The following CEP170 variants were observed in gnomAD, a reference collection of about 807,000 sequenced individuals.
CEP170 encodes the protein centrosomal protein 170.
A neutral mutation model predicts 151.9 loss-of-function variants in CEP170; 21 were observed. That is an observed-to-expected ratio of 0.14 (90% CI 0.10 to 0.20). The LOEUF (loss-of-function observed/expected upper bound fraction) is 0.20, where lower values mean the gene tolerates loss of function less well. CEP170 is among the 10% of genes least tolerant of loss of function. The pLI, the probability that CEP170 is intolerant of heterozygous loss-of-function variation, is 1.00. For synonymous variants in CEP170, 356 were observed against 648.8 expected, an observed-to-expected ratio of 0.55 and a Z score of 6.86; for missense variants, 964 against 1,892.9, an observed-to-expected ratio of 0.51 and a Z score of 9.11.
chr1:243,234,541 C>G (rs1239493310), intron 1 of CEP170, among the ~76,000 whole-genome samples: 1 of 152,200 alleles, frequency 6.6e-6, no homozygotes, highest in East Asian at 1.9e-4. Context: ...AATAAACACA[C>G]TAAGGCATTG....
intron 14 of CEP170, among the ~76,000 whole-genome samples, chr1:243,145,462 A>G (rs985123585): frequency 3.9e-5 from 6 of 152,208 alleles, no homozygotes; most frequent in Non-Finnish European, 7.3e-5. Context: ...TTTAGTAGCA[A>G]TGAGGTTTCA....
intron 1 of CEP170, among the ~76,000 whole-genome samples, chr1:243,230,468 A>C (rs1449834004): frequency 2.6e-5 from 4 of 152,234 alleles, no homozygotes; most frequent in African/African-American, 9.6e-5. Context: ...ACTGTCTTAA[A>C]TATGTTGAAT....
rs552960646 is a variant in CEP170 at position 243,125,355 on chromosome 1, G to A, written c.*1094C>T. On this transcript the variant is annotated 3_prime_UTR_variant, in exon 20 of 20. Transcript: ENST00000366542. ...TTGCAGGGTCCTTATAAATGTGTAA[G>A]ACAGACAGCATTTACTATTGAGTCC... 1 of 152,762 alleles carries A rather than the reference G, an allele frequency of 6.5e-6. No homozygotes were observed. The highest frequency in any genetic ancestry group is 2.1e-4 in the South Asian group (1 of 4,826). 9.5% of individuals were successfully genotyped at this position (152,762 alleles called of 1,614,324 possible).
At chr1:243,168,043 T>A (rs1216189401) in intron 12 of CEP170, among the ~76,000 whole-genome samples, 1 of 151,996 alleles carries the variant, frequency 6.6e-6, no homozygotes, top group African/African-American at 2.4e-5. Flanking sequence ...ACTTTGCTTT[T>A]CACAGATAAT....
chr1:243,186,408 C>T lies in CEP170; in HGVS notation c.1123G>A (p.Asp375Asn). Residue 375 changes from aspartate (D) to asparagine (N), a missense_variant, in exon 9 of 20, where the codon GAT (aspartate) becomes AAT (asparagine). Coordinates refer to ENST00000366542, the MANE Select transcript of CEP170 (RefSeq NM_014812.3). ...LKRLKGNKHD[D>N]GTQSDSENAG... ...TTCTCTGAATCACTTTGCGTACCAT[C>T]ATCATGTTTATTTCCTGGATACAAA... The T allele has an allele frequency of 6.2e-7, 1 of 1,600,502 alleles. No individual in the cohort carries two copies. Among genetic ancestry groups the T allele is most frequent in the Non-Finnish European group, 8.5e-7 (1 of 1,175,642 alleles).
At chr1:243,156,090 G>A (rs1316763074) in intron 14 of CEP170, 131 bp downstream of exon 14, 33 of 1,249,108 alleles carry the variant, frequency 2.6e-5, no homozygotes, top group South Asian at 6.5e-5. Context: ...CTGACTAAAC[G>A]GAGTTCACAG....
chr1:243,185,939 T>C lies in CEP170; in HGVS notation c.1406A>G (p.His469Arg), dbSNP rs1409538085. Residue 469 changes from histidine to arginine, a missense_variant, in exon 10 of 20, where the codon CAC becomes CGC. Coordinates refer to ENST00000366542, the MANE Select transcript of CEP170 (RefSeq NM_014812.3). This position sits in a 1 kb window ranked among gnomAD's most constrained non-coding sequence, Gnocchi z 4.9. ...TTTATCCATCTCCTGGCTTGGTCTG[T>C]GCCCAAGACTCCCTGAACTTCTTAA... ...ALLRSSGSLGHRPSQEMDKML... is the reference protein window; with the variant it reads ...ALLRSSGSLGRRPSQEMDKML... 5 of 1,613,674 alleles carry C rather than the reference T, an allele frequency of 3.1e-6. No homozygotes were observed. The highest frequency in any genetic ancestry group is 4.2e-6 in the Non-Finnish European group (5 of 1,179,730).
At chr1:243,209,800 G>A (rs191974828) in intron 4 of CEP170, among the ~76,000 whole-genome samples, 1 of 151,652 alleles carries the variant, frequency 6.6e-6, no homozygotes, top group African/African-American at 2.4e-5. Context: ...CTACTGAGGT[G>A]GGAGGTAGGA....
chr1:243,250,201 A>G (rs2149198104), intron 1 of CEP170, among the ~76,000 whole-genome samples: 1 of 152,308 alleles, frequency 6.6e-6, no homozygotes, highest in South Asian at 2.1e-4. Flanking sequence ...CATTCATTCT[A>G]TTTATAAATG....
At chr1:243,137,779 T>TAAAA (rs773221196) in intron 16 of CEP170, among the ~76,000 whole-genome samples, 1 of 96,982 alleles carries the variant, frequency 1.0e-5, no homozygotes, top group Non-Finnish European at 2.3e-5. Context: ...CTCTCAAAAT[T>TAAAA]AAAAAAAAAA....
intron 17 of CEP170, among the ~76,000 whole-genome samples, chr1:243,131,367 C>T (rs1290843394): frequency 6.6e-6 from 1 of 152,010 alleles, no homozygotes; most frequent in Admixed American, 6.6e-5. Context: ...GTGCAGATGC[C>T]TGTAGTCCTA....
At chr1:243,193,545 T>C (rs1267034482) in intron 7 of CEP170, among the ~76,000 whole-genome samples, 1 of 152,090 alleles carries the variant, frequency 6.6e-6, no homozygotes, top group Non-Finnish European at 1.5e-5. Flanking sequence ...GCCAGGGATA[T>C]AGCACTTATC....
chr1:243,154,014 T>G (rs1347149900), intron 14 of CEP170, among the ~76,000 whole-genome samples: 10 of 152,384 alleles, frequency 6.6e-5, no homozygotes, highest in Non-Finnish European at 1.3e-4. Flanking sequence ...CAGGGATACC[T>G]GAAAGAAACC....
Position 243,124,696 on chromosome 1 carries a change from AGGGAG to A in CEP170, c.*1748_*1752del. 1 of 152,678 alleles carries A rather than the reference AGGGAG, an allele frequency of 6.5e-6. No individual in the cohort carries two copies. The highest frequency in any genetic ancestry group is 2.1e-4 in the South Asian group (1 of 4,816). The allele number at this position is 152,678 out of a possible 1,614,324, so 9.5% of individuals were successfully genotyped here. A position where few individuals can be genotyped will look rare whatever the true frequency, so the allele number is the denominator to read the frequency against. On this transcript the variant is annotated 3_prime_UTR_variant, in exon 20 of 20. Coordinates refer to ENST00000366542, the MANE Select transcript of CEP170 (RefSeq NM_014812.3). ...TCAGTACCCAAATATTAAATAAAAG[AGGGAG>A]CAATGCTGATTATTTTGTCCAACTT... is the stretch of plus-strand genomic sequence containing the variant.
intron 14 of CEP170, among the ~76,000 whole-genome samples, chr1:243,147,369 A>T (rs1387829902): frequency 6.6e-6 from 1 of 152,226 alleles, no homozygotes; most frequent in Non-Finnish European, 1.5e-5. Context: ...TTTATTAGAC[A>T]GCACATAATT....
chr1:243,193,395 C>T (rs2060438732), intron 7 of CEP170, among the ~76,000 whole-genome samples: 1 of 151,718 alleles, frequency 6.6e-6, no homozygotes, highest in Non-Finnish European at 1.5e-5. Context: ...TTTTGCTTTG[C>T]TCATCCTTCA....
chr1:243,211,588 T>G (rs1050575639), intron 4 of CEP170: 9 of 255,760 alleles, frequency 3.5e-5, no homozygotes, highest in Non-Finnish European at 6.8e-5. Flanking sequence ...TCTCCCCAGT[T>G]ACATTCTTTG....
At chr1:243,137,370 C>T (rs1227408100) in intron 16 of CEP170, among the ~76,000 whole-genome samples, 3 of 152,114 alleles carry the variant, frequency 2.0e-5, no homozygotes, top group Admixed American at 1.3e-4. Flanking sequence ...GTTTAAAGAC[C>T]ACTGGGAGAG....
At chr1:243,235,476 C>T (rs974067480) in intron 1 of CEP170, among the ~76,000 whole-genome samples, 5 of 152,242 alleles carry the variant, frequency 3.3e-5, no homozygotes, top group Middle Eastern at 3.4e-3. Context: ...TACCAAGATA[C>T]TTGTTTCATG....
Sources: gnomAD v4.1 joint callset for allele counts (sites outside exome capture counted in the v4.1 genomes callset) on GRCh38, gnomAD v4.1.1 for gene constraint, Gnocchi (gnomAD v3.1) non-coding constraint, MANE v1.5 for transcripts, NCBI Gene and HGNC (gene_info 2026-07-23, HGNC 2026-07-21) for gene names.